ZNF140: variants seen among roughly 807,000 people sequenced by gnomAD.
ZNF140 encodes the protein zinc finger protein 140 (clone pHZ-39).
ZNF140 carries 13 observed loss-of-function variants against 12.9 expected under a neutral mutation model. The observed-to-expected ratio is 1.01, with a 90% CI of 0.66 to 1.60. The LOEUF is 1.60. Ranked by LOEUF, ZNF140 falls within the 40% of genes most tolerant of loss-of-function variation. ZNF140 has a pLI of 0.00. For missense variants in ZNF140, 531 were observed against 548.8 expected (o/e 0.97, Z 0.32); for synonymous variants, 214 against 186.7 (o/e 1.15, Z -1.19).
In ZNF140 at chr12:133,093,471, G is replaced by A. The variant is rs768601948; in HGVS notation, c.232+9910G>A. 1.3e-4 allele frequency: 90 copies of A among 699,356 alleles called. 4 individuals are homozygous for A. The highest frequency in any genetic ancestry group is 7.3e-4 in the South Asian group (49 of 67,380). The allele number at this position is 699,356 out of a possible 1,614,324, so 43.3% of individuals were successfully genotyped here. On this transcript the variant is annotated intron_variant, in intron 4 of 4. Transcript: ENST00000355557. The stretch of plus-strand genomic sequence containing the variant: ...TAGCTGGGCCCATGTCGACGGCTCC[G>A]CTTTCTTGGTAGATGGAAACTTCTT...
chr12:133,080,465 TGTG>T (rs1954427336), upstream of ZNF140: 1 of 152,450 alleles, frequency 6.6e-6, no homozygotes, highest in Non-Finnish European at 1.5e-5. Flanking sequence ...TTCTGGGAAG[TGTG>T]GTGGCCTGAG....
At chr12:133,090,717 T>TG (rs1954830370) in intron 4 of ZNF140, among the ~76,000 whole-genome samples, 2 of 149,080 alleles carry the variant, frequency 1.3e-5, no homozygotes, top group African/African-American at 2.5e-5. Flanking sequence ...CAGTTTTTAT[T>TG]ATTATTTTCA....
At chr12:133,081,471 G>A in intron 2 of ZNF140, 142 bp downstream of exon 2, 2 of 453,852 alleles carry the variant, frequency 4.4e-6, no homozygotes, top group Non-Finnish European at 8.8e-6. Context: ...TTGGCCTCAA[G>A]TGAGCCAACC....
chr12:133,096,068 G>C lies in ZNF140; in HGVS notation c.233-9442G>C, dbSNP rs1259156806. 2.7e-5 allele frequency among the ~76,000 whole-genome samples: 4 copies of C among 150,852 alleles called. 1 individual carries two copies. The East Asian group carries it at 5.8e-4, about 22-fold the overall frequency. On this transcript the variant is annotated intron_variant, in intron 4 of 4. Transcript: ENST00000355557. ...CTTTATGGGTGTCGGGCTGGGGGAT[G>C]GTCAGGTCTTTCTCATCCCACGAGG...
chr12:133,087,741 T>C (rs1055140268), intron 4 of ZNF140, among the ~76,000 whole-genome samples: 4 of 152,216 alleles, frequency 2.6e-5, no homozygotes, highest in East Asian at 1.9e-4. Flanking sequence ...ATACCTGTTA[T>C]TTCTTCTTAA....
intron 4 of ZNF140, among the ~76,000 whole-genome samples, chr12:133,090,761 A>T (rs1055386681): frequency 2.1e-5 from 3 of 146,122 alleles, no homozygotes; most frequent in Admixed American, 1.4e-4. Flanking sequence ...GTAGGAGAGC[A>T]GGGTGATAAT....
intron 4 of ZNF140, among the ~76,000 whole-genome samples, chr12:133,103,044 ATGAC>A (rs757324353): frequency 1.0e-4 from 15 of 148,516 alleles, no homozygotes; most frequent in South Asian, 6.2e-4. Context: ...AATTGACACA[ATGAC>A]TGTACGTTTA....
In ZNF140 at chr12:133,106,787, C is replaced by A; in HGVS notation, c.*136C>A. On this transcript the variant is annotated 3_prime_UTR_variant, in exon 5 of 5. Coordinates refer to ENST00000355557, the MANE Select transcript of ZNF140 (RefSeq NM_003440.4). ...GAAGTAATATGGCCCACACTTTATTCACCACCCTGGAGAAAAAAAAACCCA... is the reference window on the plus strand; with the variant it reads ...GAAGTAATATGGCCCACACTTTATTAACCACCCTGGAGAAAAAAAAACCCA... The A allele has an allele frequency of 1.3e-6, 1 of 740,920 alleles. No homozygotes were observed. The highest frequency in any genetic ancestry group is 2.0e-6 in the Non-Finnish European group (1 of 502,836). The allele number at this position is 740,920 out of a possible 1,614,324, so 45.9% of individuals were successfully genotyped here.
At chr12:133,084,135 G>C (rs1954595688) in intron 4 of ZNF140, 5 of 426,472 alleles carry the variant, frequency 1.2e-5, no homozygotes, top group Non-Finnish European at 4.6e-6. Flanking sequence ...TGTTCCCATT[G>C]TTAGTTCTGT....
chr12:133,086,087 A>G (rs984281192), intron 4 of ZNF140, among the ~76,000 whole-genome samples: 10 of 152,226 alleles, frequency 6.6e-5, no homozygotes, highest in African/African-American at 2.4e-4. Flanking sequence ...TAAGTATACC[A>G]CAATTTATTC....
At chr12:133,081,104 A>C in intron 1 of ZNF140, 32 bp downstream of exon 1, 1 of 259,176 alleles carries the variant, frequency 3.9e-6, no homozygotes, top group South Asian at 4.4e-5. Context: ...GCGCCGTGGC[A>C]GGAAGAGAAA....
At position 133,106,576 on chromosome 12, in the gene ZNF140, G is replaced by GAC. The variant is rs748726814; in HGVS notation, c.1306_1307dup (p.Asp438LeufsTer54). On this transcript the variant is annotated frameshift_variant, in exon 5 of 5. Transcript: ENST00000355557. LOFTEE classifies it low-confidence loss of function (END_TRUNC). ...GCTCAAACCTTGCTAAACATCAGAG[G>GAC]ACACACACTCTTGACAACCCCTATG... 5.0e-6 allele frequency: 8 copies of GAC among 1,613,556 alleles called. No homozygotes were observed. The highest frequency in any genetic ancestry group is 6.8e-6 in the Non-Finnish European group (8 of 1,179,930).
chr12:133,090,052 T>C (rs1954805309), intron 4 of ZNF140, among the ~76,000 whole-genome samples: 2 of 152,078 alleles, frequency 1.3e-5, no homozygotes, highest in South Asian at 4.1e-4. Flanking sequence ...TCTCATCATG[T>C]TGGCCAGGCT....
chr12:133,081,617 C>T (rs1954506184), intron 2 of ZNF140: 2 of 453,562 alleles, frequency 4.4e-6, no homozygotes, highest in Admixed American at 2.4e-5. Flanking sequence ...TTTTCAGGTG[C>T]TTATACTTAA....
intron 4 of ZNF140, among the ~76,000 whole-genome samples, chr12:133,088,157 G>A (rs1047797512): frequency 4.0e-5 from 6 of 151,550 alleles, no homozygotes; most frequent in African/African-American, 1.5e-4. Flanking sequence ...AAGGAAGGAA[G>A]AAAGAAGGGA....
chr12:133,102,198 G>A (rs1348141351), intron 4 of ZNF140, among the ~76,000 whole-genome samples: 1 of 152,020 alleles, frequency 6.6e-6, no homozygotes, highest in Non-Finnish European at 1.5e-5. Context: ...AGTTTAGTTT[G>A]TTCAACTTTT....
At chr12:133,091,195 A>T (rs368373837) in intron 4 of ZNF140, among the ~76,000 whole-genome samples, 1,535 of 150,526 alleles carry the variant, frequency 0.01, 104 homozygotes, top group African/African-American at 0.034. Context: ...GAAACCTTGG[A>T]CAATACCCTG....
Position 133,106,606 on chromosome 12 carries a change from T to C in ZNF140, c.1329T>C (p.Tyr443=), listed in dbSNP as rs1350040588. The C allele has an allele frequency of 3.7e-6, 6 of 1,606,076 alleles. No homozygotes were observed. The highest frequency in any genetic ancestry group is 1.1e-5 in the South Asian group (1 of 89,580). The change falls in exon 5 of 5, where the codon TAT becomes TAC. Residue 443 remains tyrosine, a synonymous_variant. Transcript: ENST00000355557. ...ACACTCTTGACAACCCCTATGAATA[T>C]GAAAATTCATTTAATTACCACTCAT... The part of the protein sequence containing the change: ...RTHTLDNPYE[Y]ENSFNYHSFL...
In ZNF140 at chr12:133,106,196, G is replaced by A. The variant is rs1027166280; in HGVS notation, c.919G>A (p.Gly307Arg). ...GEKPYECIECGKAFRRFSHLT... is the reference protein window; with the variant it reads ...GEKPYECIECRKAFRRFSHLT... ...GAAACCTTATGAATGCATTGAATGT[G>A]GGAAGGCATTTCGCCGTTTCTCACA... The change falls in exon 5 of 5, where the codon GGG (glycine) becomes AGG (arginine). Residue 307 changes from glycine to arginine, a missense_variant. Gly to Arg is a moderately radical substitution (Grantham distance 125). Transcript: ENST00000355557. 1 of 1,614,018 alleles carries A rather than the reference G, an allele frequency of 6.2e-7. No individual in the cohort carries two copies. The highest frequency in any genetic ancestry group is 8.5e-7 in the Non-Finnish European group (1 of 1,180,030).
Sources: gnomAD v4.1 joint callset for allele counts (sites outside exome capture counted in the v4.1 genomes callset) on GRCh38, gnomAD v4.1.1 for gene constraint, MANE v1.5 for transcripts, NCBI Gene and HGNC (gene_info 2026-07-23, HGNC 2026-07-21) for gene names.